The following ZYG11A variants were observed in gnomAD, a reference collection of about 807,000 sequenced individuals.
The protein encoded by ZYG11A is zyg-11 family member A, cell cycle regulator.
In ZYG11A, 62 loss-of-function variants were observed where a neutral mutation model predicts 77.2. That is an observed-to-expected ratio of 0.80 (90% CI 0.65 to 0.99). The LOEUF is 0.99. Ranked by LOEUF, ZYG11A falls within the 50% of genes least tolerant of loss-of-function variation. The pLI is 0.00. For synonymous variants in ZYG11A, 315 were observed against 324.6 expected (o/e 0.97, Z 0.32); for missense variants, 828 against 896.8 (o/e 0.92, Z 0.98).
At chr1:52,861,040 G>A (rs1273306731) in intron 4 of ZYG11A, among the ~76,000 whole-genome samples, 169 bp downstream of exon 4, 1 of 152,092 alleles carries the variant, frequency 6.6e-6, no homozygotes, top group African/African-American at 2.4e-5. Context: ...CTTTTGCTTT[G>A]AGCATCTGGA....
At chr1:52,863,717 G>A (rs1645970967) in intron 4 of ZYG11A, among the ~76,000 whole-genome samples, 1 of 152,164 alleles carries the variant, frequency 6.6e-6, no homozygotes, top group African/African-American at 2.4e-5. Context: ...CTCAATAAAT[G>A]ATTCTGAAGT....
intron 1 of ZYG11A, among the ~76,000 whole-genome samples, chr1:52,845,333 C>G (rs1173005491): frequency 2.1e-5 from 3 of 139,924 alleles, no homozygotes; most frequent in African/African-American, 5.3e-5. Context: ...TGAGACGGAG[C>G]CTTGCTCTGT....
At chr1:52,878,575 A>T (rs1037064420) in intron 10 of ZYG11A, among the ~76,000 whole-genome samples, 1 of 152,156 alleles carries the variant, frequency 6.6e-6, no homozygotes, top group African/African-American at 2.4e-5. Context: ...TTATTTTTGT[A>T]TTCTACCATA....
chr1:52,889,008 A>G (rs560295322), intron 13 of ZYG11A, among the ~76,000 whole-genome samples: 1 of 152,348 alleles, frequency 6.6e-6, no homozygotes, highest in East Asian at 1.9e-4. Context: ...CGAAACTAGA[A>G]TTCAGTTGAG....
intron 1 of ZYG11A, among the ~76,000 whole-genome samples, chr1:52,849,830 C>T (rs143096092): frequency 0.019 from 2,894 of 151,604 alleles, 322 homozygotes; most frequent in Admixed American, 0.17. Flanking sequence ...CTACAGGCAC[C>T]GGCCACCACG....
chr1:52,854,265 CAG>C (rs1183017863), intron 1 of ZYG11A, among the ~76,000 whole-genome samples, 198 bp from the exon 2 acceptor site: 1 of 152,086 alleles, frequency 6.6e-6, no homozygotes, highest in East Asian at 1.9e-4. Context: ...AGCTGTACAA[CAG>C]AAAGGACAAC....
At chr1:52,856,236 TA>T (rs1645807190) in intron 2 of ZYG11A, among the ~76,000 whole-genome samples, 1 of 152,158 alleles carries the variant, frequency 6.6e-6, no homozygotes, top group East Asian at 1.9e-4. Flanking sequence ...TATGCCTCCC[TA>T]TACTGAATTC....
intron 1 of ZYG11A, 129 bp downstream of exon 1, chr1:52,843,102 A>T: frequency 1.4e-6 from 1 of 731,902 alleles, no homozygotes; most frequent in Non-Finnish European, 2.0e-6. Context: ...GCTGCGGTCT[A>T]GATGCCGAGC....
intron 1 of ZYG11A, 124 bp downstream of exon 1, chr1:52,843,097 G>A (rs1645482638): frequency 3.8e-6 from 3 of 787,990 alleles, no homozygotes; most frequent in Admixed American, 4.3e-5. Flanking sequence ...GCGGGGCTGC[G>A]GTCTAGATGC....
intron 10 of ZYG11A, among the ~76,000 whole-genome samples, chr1:52,879,338 G>T (rs995708571): frequency 1.3e-5 from 2 of 152,190 alleles, no homozygotes; most frequent in African/African-American, 2.4e-5. Context: ...AGTGAGTGCT[G>T]CAAGAGAGGC....
At chr1:52,881,275 T>G (rs1646357459) in intron 10 of ZYG11A, 196 bp from the exon 11 acceptor site, 1 of 467,686 alleles carries the variant, frequency 2.1e-6, no homozygotes, top group East Asian at 3.3e-5. Flanking sequence ...AAGTACTTAT[T>G]TAGTGATTGT....
intron 1 of ZYG11A, among the ~76,000 whole-genome samples, chr1:52,847,168 G>A (rs1398255019): frequency 6.6e-6 from 1 of 152,172 alleles, no homozygotes; most frequent in African/African-American, 2.4e-5. Flanking sequence ...CCAGGTTGAA[G>A]CGATTCTCCT....
chr1:52,887,972 A>G (rs1410353802), intron 13 of ZYG11A, among the ~76,000 whole-genome samples: 1 of 152,188 alleles, frequency 6.6e-6, no homozygotes, highest in East Asian at 1.9e-4. Flanking sequence ...CCAAGAGACA[A>G]CTTTTAGAAT....
intron 13 of ZYG11A, among the ~76,000 whole-genome samples, chr1:52,890,200 A>T (rs958951629): frequency 6.8e-6 from 1 of 146,290 alleles, no homozygotes; most frequent in East Asian, 2.0e-4. Flanking sequence ...AGAATTCCAG[A>T]TAGTTACTTA....
chr1:52,885,960 T>C, intron 12 of ZYG11A, 66 bp downstream of exon 12: 1 of 1,276,078 alleles, frequency 7.8e-7, no homozygotes. Flanking sequence ...TGAGACAGAG[T>C]CTTGCTCAGT....
Position 52,864,028 on chromosome 1 carries a change from G to C in ZYG11A, c.1197G>C (p.Gln399His). 6.4e-7 allele frequency: 1 copy of C among 1,551,772 alleles called. No homozygotes were observed. The highest frequency in any genetic ancestry group is 1.2e-5 in the South Asian group (1 of 84,054). The change falls in exon 5 of 14, where the codon CAG (glutamine) becomes CAC (histidine). Residue 399 changes from glutamine to histidine, a missense_variant. Gln to His is a conservative substitution (Grantham distance 24). Coordinates refer to ENST00000371528, the MANE Select transcript of ZYG11A (RefSeq NM_001004339.3). ...MRNHPLDLRV[Q>H]FTASACALNL... Reference sequence around the variant, plus strand: ...ATCACCCATTGGATTTGCGAGTGCAGTTCACAGCCAGTGCTTGCGCTCTCA... The same window carrying C: ...ATCACCCATTGGATTTGCGAGTGCACTTCACAGCCAGTGCTTGCGCTCTCA...
At chr1:52,858,391 GAT>G (rs1405888259) in intron 3 of ZYG11A, among the ~76,000 whole-genome samples, 9 of 150,242 alleles carry the variant, frequency 6.0e-5, no homozygotes, top group Non-Finnish European at 1.5e-5. Flanking sequence ...AAAAAAAGAA[GAT>G]ATAGTGGGTT....
At chr1:52,889,290 A>G (rs1197675664) in intron 13 of ZYG11A, among the ~76,000 whole-genome samples, 15 of 152,244 alleles carry the variant, frequency 9.9e-5, no homozygotes, top group Non-Finnish European at 2.9e-5. Context: ...ATACACCACC[A>G]TGCCTGGGGT....
chr1:52,870,280 G>A (rs1646131141), intron 8 of ZYG11A, among the ~76,000 whole-genome samples: 1 of 148,120 alleles, frequency 6.8e-6, no homozygotes, highest in Non-Finnish European at 1.5e-5. Flanking sequence ...CAGGCAGAGG[G>A]GCTCCTCACA....
Sources: allele counts gnomAD v4.1 joint callset (sites outside exome capture counted in the v4.1 genomes callset), GRCh38; gene constraint gnomAD v4.1.1; transcripts MANE v1.5; gene names NCBI Gene and HGNC (gene_info 2026-07-23, HGNC 2026-07-21).